B3GAT2: variants seen among roughly 807,000 people sequenced by gnomAD.
B3GAT2 encodes beta-1,3-glucuronyltransferase 2, also known as galactosylgalactosylxylosylprotein 3-beta-glucuronosyltransferase 2.
In B3GAT2, 26 loss-of-function variants were observed where a neutral mutation model predicts 27.8. That is an observed-to-expected ratio of 0.93 (90% CI 0.68 to 1.30). B3GAT2 has a LOEUF of 1.30. Ranked by LOEUF, B3GAT2 falls within the 50% of genes most tolerant of loss-of-function variation. The probability of loss-of-function intolerance (pLI) is 0.00; values close to 1 mark genes in which losing one functional copy is unlikely to be tolerated. For missense variants in B3GAT2, 458 were observed against 459.0 expected (o/e 1.00, Z 0.02); for synonymous variants, 218 against 195.1 (o/e 1.12, Z -0.98).
At chr6:70,954,978 G>A (rs1218373746) in intron 1 of B3GAT2, among the ~76,000 whole-genome samples, 1 of 151,876 alleles carries the variant, frequency 6.6e-6, no homozygotes, top group East Asian at 1.9e-4. Flanking sequence ...ACAGCAGGGA[G>A]CCCGGATGCA....
At chr6:70,903,028 A>T (rs1181990461) in intron 1 of B3GAT2, among the ~76,000 whole-genome samples, 4 of 152,132 alleles carry the variant, frequency 2.6e-5, no homozygotes, top group Non-Finnish European at 2.9e-5. Context: ...CAGATTTTTA[A>T]GTGTTCTTAT....
chr6:70,947,259 C>G (rs1026944693), intron 1 of B3GAT2, among the ~76,000 whole-genome samples: 1 of 151,398 alleles, frequency 6.6e-6, no homozygotes, highest in Non-Finnish European at 1.5e-5. Flanking sequence ...AATAGAGACA[C>G]AAAAAACCCT....
Position 70,956,911 on chromosome 6 carries a change from G to A in B3GAT2, c.-482C>T, listed in dbSNP as rs1488332207. On this transcript the variant is annotated 5_prime_UTR_variant, in exon 1 of 4. Coordinates refer to ENST00000230053, the MANE Select transcript of B3GAT2 (RefSeq NM_080742.3). ...CCTTCGAGGGCGGGCGGCGGCGCTG[G>A]GGGCTTTCCTTCCTCACATTCCCGC... 1 of 1,021,090 alleles carries A rather than the reference G, an allele frequency of 9.8e-7. No homozygotes were observed. Among genetic ancestry groups the A allele is most frequent in the Non-Finnish European group, 1.2e-6 (1 of 853,572 alleles). 63.3% of individuals were successfully genotyped at this position (1,021,090 alleles called of 1,614,324 possible). A position where few individuals can be genotyped will look rare whatever the true frequency, so the allele number is the denominator to read the frequency against.
At chr6:70,912,466 C>G (rs1349764406) in intron 1 of B3GAT2, among the ~76,000 whole-genome samples, 1 of 152,038 alleles carries the variant, frequency 6.6e-6, no homozygotes, top group African/African-American at 2.4e-5. Flanking sequence ...TCTCACATGC[C>G]AAGTATAAAG....
At chr6:70,869,411 C>T (rs992003609) in intron 2 of B3GAT2, among the ~76,000 whole-genome samples, 1 of 152,130 alleles carries the variant, frequency 6.6e-6, no homozygotes, top group Non-Finnish European at 1.5e-5. Context: ...ATTTTAGAAA[C>T]AAATACCTTG....
intron 1 of B3GAT2, among the ~76,000 whole-genome samples, chr6:70,909,942 C>T (rs1415560499): frequency 2.0e-5 from 3 of 152,028 alleles, no homozygotes; most frequent in Non-Finnish European, 4.4e-5. Flanking sequence ...GGCATGATCT[C>T]AGCTCACTGC....
intron 2 of B3GAT2, among the ~76,000 whole-genome samples, chr6:70,871,874 C>T (rs961095658): frequency 6.6e-6 from 1 of 151,770 alleles, no homozygotes; most frequent in Non-Finnish European, 1.5e-5. Flanking sequence ...TGGCTGTACC[C>T]CCATAGGTTT....
intron 1 of B3GAT2, among the ~76,000 whole-genome samples, chr6:70,909,150 T>A (rs1253119611): frequency 1.3e-5 from 2 of 151,986 alleles, no homozygotes; most frequent in African/African-American, 4.8e-5. Context: ...ACTCTCTCTC[T>A]CTCACACACA....
intron 1 of B3GAT2, among the ~76,000 whole-genome samples, chr6:70,910,754 G>C (rs1772676723): frequency 6.6e-6 from 1 of 152,174 alleles, no homozygotes; most frequent in Non-Finnish European, 1.5e-5. Context: ...TTGCCACCCT[G>C]TTTTCCACAA....
chr6:70,857,037 A>G lies in B3GAT2; in HGVS notation c.*4626T>C, dbSNP rs781559723. 8 of 1,593,302 alleles carry G rather than the reference A, an allele frequency of 5.0e-6. No homozygotes were observed. The East Asian group carries it at 1.8e-4, about 36-fold the overall frequency. On this transcript the variant is annotated 3_prime_UTR_variant, in exon 4 of 4. Transcript: ENST00000230053. The stretch of plus-strand genomic sequence containing the variant: ...CAACAGCAAAGTACTCCTGGTAATG[A>G]ATTTTGATATCTGCTTTCAGTGACA...
rs1446861880 is a variant in B3GAT2, at chr6:70,897,678, T to A, written c.592-3406A>T. Among the ~76,000 whole-genome samples, 15 of 150,656 alleles carry A rather than the reference T, an allele frequency of 1.0e-4. No homozygotes were observed. In the East Asian group the frequency reaches 1.8e-3, roughly 18 times the overall value. On this transcript the variant is annotated intron_variant, in intron 1 of 3. Coordinates refer to ENST00000230053, the MANE Select transcript of B3GAT2 (RefSeq NM_080742.3). ...TGCTTGAAAAAAAAAAAAATATATA[T>A]ATATATATATATTTGCCTAATTCAA... is the stretch of plus-strand genomic sequence containing the variant.
At chr6:70,933,576 A>C (rs569844543) in intron 1 of B3GAT2, among the ~76,000 whole-genome samples, 11 of 152,314 alleles carry the variant, frequency 7.2e-5, no homozygotes, top group Admixed American at 2.0e-4. Flanking sequence ...TAGCTGAGGA[A>C]CTTATCAAAG....
intron 1 of B3GAT2, among the ~76,000 whole-genome samples, chr6:70,955,303 G>C (rs1370453059): frequency 6.6e-6 from 1 of 152,036 alleles, no homozygotes; most frequent in African/African-American, 2.4e-5. Context: ...GGCCGCAATA[G>C]TCAAATTTCT....
chr6:70,938,835 A>T (rs1196369224), intron 1 of B3GAT2, among the ~76,000 whole-genome samples: 1 of 151,934 alleles, frequency 6.6e-6, no homozygotes, highest in Non-Finnish European at 1.5e-5. Flanking sequence ...GGACATAGGC[A>T]TGGGCAAGGA....
At chr6:70,893,634 T>A (rs995744751) in intron 2 of B3GAT2, among the ~76,000 whole-genome samples, 2 of 152,212 alleles carry the variant, frequency 1.3e-5, no homozygotes, top group African/African-American at 4.8e-5. Flanking sequence ...AATCTAAGTT[T>A]ATATTTTAGT....
At chr6:70,907,823 A>C (rs1429013347) in intron 1 of B3GAT2, among the ~76,000 whole-genome samples, 1 of 152,168 alleles carries the variant, frequency 6.6e-6, no homozygotes, top group East Asian at 1.9e-4. Flanking sequence ...CCAAGCAATA[A>C]GCTTTTACTG....
At chr6:70,906,725 G>A (rs1429033092) in intron 1 of B3GAT2, among the ~76,000 whole-genome samples, 2 of 152,138 alleles carry the variant, frequency 1.3e-5, no homozygotes, top group East Asian at 3.9e-4. Context: ...ATGAAATACA[G>A]TATTCTTTGC....
intron 1 of B3GAT2, among the ~76,000 whole-genome samples, chr6:70,944,085 G>C (rs1765436330): frequency 1.3e-5 from 2 of 152,044 alleles, no homozygotes; most frequent in South Asian, 4.2e-4. Flanking sequence ...ATATAATTTT[G>C]AGCTGGCAGC....
At chr6:70,955,598 G>C (rs940375000) in intron 1 of B3GAT2, among the ~76,000 whole-genome samples, 5 of 152,118 alleles carry the variant, frequency 3.3e-5, no homozygotes, top group African/African-American at 4.8e-5. Flanking sequence ...AAAAGCCCCA[G>C]GGCAGACTCC....
Sources: allele counts gnomAD v4.1 joint callset (sites outside exome capture counted in the v4.1 genomes callset), GRCh38; gene constraint gnomAD v4.1.1; transcripts MANE v1.5; gene names NCBI Gene and HGNC (gene_info 2026-07-23, HGNC 2026-07-21).